The following SLCO1A2 variants were observed in gnomAD, a reference collection of about 807,000 sequenced individuals.
The protein encoded by SLCO1A2 is OATP-1.
Under a neutral mutation model 69.0 loss-of-function variants are expected in SLCO1A2, and 67 were observed. That is an observed-to-expected ratio of 0.97 (90% CI 0.80 to 1.19). The LOEUF is 1.19. SLCO1A2 is among the 50% of genes most tolerant of loss of function. The pLI, the probability that SLCO1A2 is intolerant of heterozygous loss-of-function variation, is 0.00. For missense variants in SLCO1A2, 787 were observed against 793.7 expected (o/e 0.99, Z 0.10); for synonymous variants, 260 against 265.9 (o/e 0.98, Z 0.22).
intron 2 of SLCO1A2, among the ~76,000 whole-genome samples, chr12:21,364,148 A>G (rs539853023): frequency 8.5e-4 from 129 of 152,342 alleles, no homozygotes; most frequent in African/African-American, 3.0e-3. Context: ...AAAATCCTCA[A>G]TAAAATACTG....
rs189885454 is a variant in SLCO1A2 at position 21,368,414 on chromosome 12, A to C, written c.-63+5985T>G. The stretch of plus-strand genomic sequence containing the variant: ...ACAGAAAATTGTAAATTAAAGAGTC[A>C]CACAGAGCAACCAAATGCAATCTTG... On this transcript the variant is annotated intron_variant, in intron 2 of 15. Transcript: ENST00000307378. Among the ~76,000 whole-genome samples, 8 of 152,268 alleles carry C rather than the reference A, an allele frequency of 5.3e-5. No homozygotes were observed. The East Asian group carries it at 1.5e-3, about 29-fold the overall frequency.
chr12:21,372,609 C>T (rs1939879870), intron 2 of SLCO1A2, among the ~76,000 whole-genome samples: 1 of 152,166 alleles, frequency 6.6e-6, no homozygotes, highest in African/African-American at 2.4e-5. Context: ...CTATCAGTTC[C>T]TTACCATAAC....
At chr12:21,301,944 A>C (rs1318194196) in intron 6 of SLCO1A2, among the ~76,000 whole-genome samples, 1 of 152,094 alleles carries the variant, frequency 6.6e-6, no homozygotes, top group Non-Finnish European at 1.5e-5. Flanking sequence ...GAGCTTCTTC[A>C]ACTTTCTTCC....
intron 2 of SLCO1A2, among the ~76,000 whole-genome samples, chr12:21,361,783 G>C (rs1262998541): frequency 6.6e-6 from 1 of 152,164 alleles, no homozygotes; most frequent in Admixed American, 6.5e-5. Context: ...TCAAATAGAA[G>C]AAAGGGTATC....
chr12:21,276,577 T>A (rs888995869), intron 12 of SLCO1A2, among the ~76,000 whole-genome samples: 1 of 148,282 alleles, frequency 6.7e-6, no homozygotes, highest in Non-Finnish European at 1.5e-5. Flanking sequence ...TTTGTAAGAA[T>A]GAAAAATCAG....
chr12:21,373,381 C>A (rs762274695), intron 2 of SLCO1A2: 21 of 1,613,508 alleles, frequency 1.3e-5, no homozygotes, highest in Non-Finnish European at 1.8e-5. Context: ...AAGTATTTCT[C>A]ATTGTGCTCT....
intron 1 of SLCO1A2, among the ~76,000 whole-genome samples, chr12:21,413,274 T>C (rs2137208667): frequency 7.9e-6 from 1 of 126,794 alleles, no homozygotes; most frequent in East Asian, 2.4e-4. Flanking sequence ...ACCCTCCCTC[T>C]ATCTCCCAGG....
chr12:21,375,901 A>G (rs372706296), intron 1 of SLCO1A2, among the ~76,000 whole-genome samples: 4,120 of 106,528 alleles, frequency 0.039, 200 homozygotes, highest in African/African-American at 0.13. Context: ...CCAGGTAGTC[A>G]ATGAGAAAAA....
intron 2 of SLCO1A2, among the ~76,000 whole-genome samples, chr12:21,327,470 C>T (rs1952324306): frequency 6.6e-6 from 1 of 152,150 alleles, no homozygotes; most frequent in Non-Finnish European, 1.5e-5. Context: ...AGCCACAGAA[C>T]ACTCAACACC....
chr12:21,395,737 TG>T (rs1941424502), upstream of SLCO1A2, among the ~76,000 whole-genome samples: 2 of 152,098 alleles, frequency 1.3e-5, no homozygotes, highest in African/African-American at 4.8e-5. Context: ...GCAGCCTAAC[TG>T]GGAGGCACCC....
intron 5 of SLCO1A2, among the ~76,000 whole-genome samples, chr12:21,306,319 G>A (rs1156908572): frequency 6.6e-6 from 1 of 151,768 alleles, no homozygotes; most frequent in Non-Finnish European, 1.5e-5. Context: ...TCCTTGGATA[G>A]ATGTCTTTGA....
intron 1 of SLCO1A2, among the ~76,000 whole-genome samples, chr12:21,394,167 G>T (rs1310797880): frequency 6.6e-6 from 1 of 152,144 alleles, no homozygotes; most frequent in Admixed American, 6.5e-5. Flanking sequence ...CCATGAACAA[G>T]ACAGTGCTTC....
At chr12:21,278,312 G>A (rs1049092638) in intron 12 of SLCO1A2, among the ~76,000 whole-genome samples, 1 of 152,130 alleles carries the variant, frequency 6.6e-6, no homozygotes, top group African/African-American at 2.4e-5. Context: ...TGGGGACTGG[G>A]AAAACTCACA....
At chr12:21,400,554 G>A (rs1370404673) in intron 1 of SLCO1A2, among the ~76,000 whole-genome samples, 1 of 151,866 alleles carries the variant, frequency 6.6e-6, no homozygotes, top group Non-Finnish European at 1.5e-5. Context: ...TATAAATCAT[G>A]CTGCTATAAA....
In SLCO1A2 at chr12:21,265,647, G is replaced by C. The variant is rs12315259; in HGVS notation, c.*3901C>G. On this transcript the variant is annotated 3_prime_UTR_variant, in exon 15 of 15. Coordinates refer to ENST00000683939, the MANE Select transcript of SLCO1A2 (RefSeq NM_001386879.1). ...TACTCATCCTCTTTTATGCCTCTTG[G>C]GATTCTACAGAAAAGCATTTTCTGC... 3.9e-5 allele frequency: 6 copies of C among 152,042 alleles called. No individual in the cohort carries two copies. Among genetic ancestry groups the C allele is most frequent in the Non-Finnish European group, 8.8e-5 (6 of 68,024 alleles). The allele number at this position is 152,042 out of a possible 1,614,324, so 9.4% of individuals were successfully genotyped here.
At chr12:21,289,914 T>C (rs1946569764) in intron 12 of SLCO1A2, among the ~76,000 whole-genome samples, 2 of 152,234 alleles carry the variant, frequency 1.3e-5, no homozygotes, top group South Asian at 4.1e-4. Context: ...GAACACCCAG[T>C]TGGTGTTGCA....
intron 2 of SLCO1A2, among the ~76,000 whole-genome samples, chr12:21,350,602 C>T (rs192997248): frequency 1.3e-5 from 2 of 151,884 alleles, no homozygotes; most frequent in African/African-American, 2.4e-5. Context: ...TTTGGGAGGC[C>T]GAGGCGGGTG....
intron 4 of SLCO1A2, 61 bp downstream of exon 4, chr12:21,314,488 G>A: frequency 6.3e-7 from 1 of 1,581,240 alleles, no homozygotes; most frequent in South Asian, 1.1e-5. Context: ...AGAGGAAAGT[G>A]CAACTTCATT....
At chr12:21,390,468 G>A (rs1009973908) in intron 1 of SLCO1A2, among the ~76,000 whole-genome samples, 8 of 152,034 alleles carry the variant, frequency 5.3e-5, no homozygotes, top group African/African-American at 1.9e-4. Flanking sequence ...ATGTGGTTGT[G>A]GAAGAATAAA....
Sources: allele counts gnomAD v4.1 joint callset (sites outside exome capture counted in the v4.1 genomes callset), GRCh38; gene constraint gnomAD v4.1.1; transcripts MANE v1.5; gene names NCBI Gene and HGNC (gene_info 2026-07-23, HGNC 2026-07-21).